Variants in GMPR observed in about 807,000 individuals in gnomAD.
GMPR encodes the protein guanosine monophosphate reductase.
In GMPR, 31 loss-of-function variants were observed where a neutral mutation model predicts 38.4. The ratio of observed to expected loss-of-function variants is 0.81; its 90% CI spans 0.61 to 1.09. The LOEUF (loss-of-function observed/expected upper bound fraction) is 1.09. Among genes scored for constraint, GMPR ranks in the 50% least tolerant of loss-of-function variants. The pLI, the probability that GMPR is intolerant of heterozygous loss-of-function variation, is 0.00. For synonymous variants in GMPR, 162 were observed against 173.3 expected (o/e 0.93, Z 0.51); for missense variants, 468 against 453.7 (o/e 1.03, Z -0.29).
chr6:16,248,347 T>C (rs761413583), intron 2 of GMPR, among the ~76,000 whole-genome samples: 2 of 133,096 alleles, frequency 1.5e-5, no homozygotes, highest in Non-Finnish European at 3.3e-5. Flanking sequence ...TTGGGAAAAA[T>C]AAAGGAAAAC....
At chr6:16,279,699 A>C (rs1759542430) in intron 6 of GMPR, among the ~76,000 whole-genome samples, 1 of 152,212 alleles carries the variant, frequency 6.6e-6, no homozygotes, top group Admixed American at 6.5e-5. Flanking sequence ...CAGTCACTGC[A>C]TCTGGGGCGA....
intron 1 of GMPR, 22 bp downstream of exon 1, chr6:16,238,802 C>G: frequency 7.3e-7 from 1 of 1,377,970 alleles, no homozygotes; most frequent in South Asian, 1.4e-5. Context: ...TCGGAAGTCG[C>G]AGTGGGGTGG....
Position 16,285,842 on chromosome 6 carries a change from CCGGGCCCTGGTG to C in GMPR, c.697+9_697+20del. 8 of 1,607,502 alleles carry C rather than the reference CCGGGCCCTGGTG, an allele frequency of 5.0e-6. No homozygotes were observed. Among genetic ancestry groups the C allele is most frequent in the Non-Finnish European group, 5.1e-6 (6 of 1,176,398 alleles). Reference sequence around the variant, plus strand: ...GATGTCGCCAAAGCCTTTGGTAAGGCCGGGCCCTGGTGCAGAGGGAGGGAAGGAAGGAAGGAG... The same window carrying C: ...GATGTCGCCAAAGCCTTTGGTAAGGCCAGAGGGAGGGAAGGAAGGAAGGAG... On this transcript the variant is annotated splice_region_variant and intron_variant, in intron 7 of 8. Coordinates refer to ENST00000259727, the MANE Select transcript of GMPR (RefSeq NM_006877.4).
intron 1 of GMPR, among the ~76,000 whole-genome samples, chr6:16,242,152 C>T (rs1465138600): frequency 1.3e-5 from 2 of 152,180 alleles, no homozygotes; most frequent in East Asian, 1.9e-4. Context: ...ACAGAGAAGA[C>T]ACAACAGATG....
intron 5 of GMPR, among the ~76,000 whole-genome samples, chr6:16,277,645 C>T (rs1426070883): frequency 6.6e-6 from 1 of 152,166 alleles, no homozygotes. Context: ...AGCGAATGTC[C>T]ACGGAGCCGA....
At chr6:16,284,269 C>T (rs984421869) in intron 6 of GMPR, among the ~76,000 whole-genome samples, 2 of 152,216 alleles carry the variant, frequency 1.3e-5, no homozygotes, top group African/African-American at 4.8e-5. Flanking sequence ...CCTGGAGTGA[C>T]AGGCCTCACT....
chr6:16,274,192 T>A (rs1581660561), intron 4 of GMPR, among the ~76,000 whole-genome samples: 1 of 152,208 alleles, frequency 6.6e-6, no homozygotes, highest in South Asian at 2.1e-4. Context: ...AGATCTCTTC[T>A]AGTTCTTAAA....
At chr6:16,240,977 C>G (rs548154861) in intron 1 of GMPR, among the ~76,000 whole-genome samples, 1 of 152,048 alleles carries the variant, frequency 6.6e-6, no homozygotes, top group Non-Finnish European at 1.5e-5. Flanking sequence ...CTTTACTTGC[C>G]TCGGTGGCGT....
At chr6:16,253,890 T>C (rs1440344474) in intron 3 of GMPR, among the ~76,000 whole-genome samples, 1 of 152,120 alleles carries the variant, frequency 6.6e-6, no homozygotes, top group Non-Finnish European at 1.5e-5. Flanking sequence ...GTTTCCCTGA[T>C]ATGACACAAT....
chr6:16,283,188 C>T (rs760515505), intron 6 of GMPR, among the ~76,000 whole-genome samples: 21 of 152,174 alleles, frequency 1.4e-4, no homozygotes, highest in Non-Finnish European at 2.6e-4. Context: ...GCCATTTGTA[C>T]TTAAATATAA....
At chr6:16,289,321 A>G (rs182074514) in intron 7 of GMPR, among the ~76,000 whole-genome samples, 95 of 152,354 alleles carry the variant, frequency 6.2e-4, no homozygotes, top group African/African-American at 2.0e-3. Flanking sequence ...CGAACACAGT[A>G]GCAGTTCCTT....
intron 2 of GMPR, among the ~76,000 whole-genome samples, chr6:16,247,458 T>C (rs1162799140): frequency 6.6e-6 from 1 of 151,994 alleles, no homozygotes; most frequent in African/African-American, 2.4e-5. Context: ...CACTGCAACA[T>C]TCGCCTCCCT....
chr6:16,263,063 G>T (rs902027237), intron 4 of GMPR: 2 of 151,944 alleles, frequency 1.3e-5, no homozygotes, highest in Admixed American at 1.3e-4. Flanking sequence ...GGGAGGAGGG[G>T]AGAGGTCAGA....
At chr6:16,269,119 T>C (rs950280162) in intron 4 of GMPR, among the ~76,000 whole-genome samples, 15 of 152,036 alleles carry the variant, frequency 9.9e-5, no homozygotes, top group Non-Finnish European at 2.1e-4. Flanking sequence ...AGGAGCAATA[T>C]ACAGAAAGTA....
At position 16,295,118 on chromosome 6, in the gene GMPR, C is replaced by T. The variant is rs755813556; in HGVS notation, c.970C>T (p.Leu324Phe). The T allele has an allele frequency of 1.3e-6, 2 of 1,577,802 alleles. No homozygotes were observed. The highest frequency in any genetic ancestry group is 4.0e-5 in the Admixed American group (2 of 49,432). ...STCTYVGAAK[L>F]KELSRRATFI... is the part of the protein sequence containing the mutation. Reference sequence around the variant, plus strand: ...GTGCACCTACGTGGGGGCCGCCAAACTCAAGGAGCTCAGCAGGAGGGCAAC... The same window carrying T: ...GTGCACCTACGTGGGGGCCGCCAAATTCAAGGAGCTCAGCAGGAGGGCAAC... The change falls in exon 9 of 9, where the codon CTC becomes TTC. Residue 324 changes from leucine (L) to phenylalanine (F), a missense_variant. Transcript: ENST00000259727.
In GMPR at chr6:16,252,234, T is replaced by C. The variant is rs961750065; in HGVS notation, c.291+1867T>C. On this transcript the variant is annotated intron_variant, in intron 3 of 8. Transcript: ENST00000259727. ...TGGGAATAATGATTTTCTTTTTGTC[T>C]TTTTCTCAGACCTCCCTCTAACTTC... Among the ~76,000 whole-genome samples the C allele has an allele frequency of 4.6e-5, 7 of 152,270 alleles. No individual in the cohort carries two copies. The East Asian group carries it at 1.4e-3, about 29-fold the overall frequency.
intron 2 of GMPR, among the ~76,000 whole-genome samples, chr6:16,248,380 T>C (rs1261299508): frequency 2.6e-5 from 4 of 151,278 alleles, no homozygotes; most frequent in Admixed American, 2.0e-4. Flanking sequence ...AGGACATTTA[T>C]GGGTGAGGTG....
intron 3 of GMPR, among the ~76,000 whole-genome samples, chr6:16,251,554 G>A (rs1166361704): frequency 6.6e-6 from 1 of 152,248 alleles, no homozygotes; most frequent in African/African-American, 2.4e-5. Context: ...TGGGCAACGA[G>A]AGCGAAACTC....
At chr6:16,280,838 T>C (rs1406398417) in intron 6 of GMPR, among the ~76,000 whole-genome samples, 1 of 152,212 alleles carries the variant, frequency 6.6e-6, no homozygotes, top group African/African-American at 2.4e-5. Context: ...AAGTCAAAAC[T>C]TGGACCCTAT....
Sources: gnomAD v4.1 joint callset for allele counts (sites outside exome capture counted in the v4.1 genomes callset) on GRCh38, gnomAD v4.1.1 for gene constraint, MANE v1.5 for transcripts, NCBI Gene and HGNC (gene_info 2026-07-23, HGNC 2026-07-21) for gene names.